KIF21A: variants seen among roughly 807,000 people sequenced by gnomAD.
KIF21A encodes the protein kinesin family member 21A.
In KIF21A, 114 loss-of-function variants were observed where a neutral mutation model predicts 202.9. The ratio of observed to expected loss-of-function variants is 0.56; its 90% CI spans 0.48 to 0.66. KIF21A has a LOEUF of 0.66. Among genes scored for constraint, KIF21A ranks in the 30% least tolerant of loss-of-function variants. The pLI, the probability that KIF21A is intolerant of heterozygous loss-of-function variation, is 0.00. For missense variants in KIF21A, 1,677 were observed against 1,994.9 expected, an observed-to-expected ratio of 0.84 and a Z score of 3.04; for synonymous variants, 667 against 670.8, an observed-to-expected ratio of 0.99 and a Z score of 0.09.
intron 1 of KIF21A, among the ~76,000 whole-genome samples, chr12:39,379,220 C>T (rs1566055946): frequency 1.3e-5 from 2 of 151,652 alleles, no homozygotes; most frequent in African/African-American, 4.8e-5. Context: ...GTCCCAGCTA[C>T]TCAGGACAAT....
chr12:39,416,893 G>A (rs200578262), intron 1 of KIF21A, among the ~76,000 whole-genome samples: 17 of 146,124 alleles, frequency 1.2e-4, no homozygotes, highest in African/African-American at 3.8e-4. Context: ...ATATATATGT[G>A]TATATATATA....
chr12:39,436,242 C>T (rs1938665513), intron 1 of KIF21A, among the ~76,000 whole-genome samples: 1 of 151,216 alleles, frequency 6.6e-6, no homozygotes, highest in African/African-American at 2.4e-5. Context: ...CTAGAAAATC[C>T]ACAGCACTAA....
chr12:39,357,152 T>A (rs564412415), intron 9 of KIF21A, 96 bp downstream of exon 9: 2 of 1,077,048 alleles, frequency 1.9e-6, no homozygotes, highest in East Asian at 4.7e-5. Context: ...GAGACTGGCA[T>A]TTCTATTTCA....
rs750179951 is a variant in KIF21A, at chr12:39,337,139, T to C, written c.2375A>G (p.Asn792Ser). The change falls in exon 17 of 38, where the codon AAC becomes AGC. Residue 792 changes from asparagine to serine, a missense_variant. Physicochemically the swap from Asn to Ser is conservative, Grantham distance 46 (BLOSUM62 1). Coordinates refer to ENST00000361418, the MANE Select transcript of KIF21A (RefSeq NM_001173464.2). ...CTTTTTCAACTGAGCAATCTCTCTGTTTCTTCTAGACTCAGTCAGTCTGGC... is the reference window on the plus strand; with the variant it reads ...CTTTTTCAACTGAGCAATCTCTCTGCTTCTTCTAGACTCAGTCAGTCTGGC... Reference protein sequence around the residue: ...EKARLTESRRNREIAQLKKDQ... With the variant: ...EKARLTESRRSREIAQLKKDQ... 8.1e-6 allele frequency: 13 copies of C among 1,612,600 alleles called. No individual in the cohort carries two copies. The highest frequency in any genetic ancestry group is 3.3e-5 in the Admixed American group (2 of 60,002).
chr12:39,302,432 T>A (rs1005031946), intron 36 of KIF21A, among the ~76,000 whole-genome samples: 1 of 152,180 alleles, frequency 6.6e-6, no homozygotes, highest in Non-Finnish European at 1.5e-5. Flanking sequence ...AAGAATTTCA[T>A]CTGTTAACTA....
At chr12:39,298,033 AC>A (rs1238310670) in intron 37 of KIF21A, among the ~76,000 whole-genome samples, 2 of 151,920 alleles carry the variant, frequency 1.3e-5, no homozygotes, top group Non-Finnish European at 2.9e-5. Flanking sequence ...CACCAGGTTA[AC>A]CCCCCTATTG....
At position 39,315,987 on chromosome 12, in the gene KIF21A, A is replaced by C; in HGVS notation, c.3909-17T>G. Reference sequence around the variant, plus strand: ...TCATCAGACCTATAGTGAAAGAGTTAGAATTATGAGAGAAAGAATACAGAT... The same window carrying C: ...TCATCAGACCTATAGTGAAAGAGTTCGAATTATGAGAGAAAGAATACAGAT... On this transcript the variant is annotated splice_polypyrimidine_tract_variant and intron_variant, in intron 29 of 37. Transcript: ENST00000361418. 6.4e-7 allele frequency: 1 copy of C among 1,570,094 alleles called. No homozygotes were observed. The highest frequency in any genetic ancestry group is 8.8e-7 in the Non-Finnish European group (1 of 1,140,078).
chr12:39,338,018 G>GA (rs34696626), intron 16 of KIF21A, among the ~76,000 whole-genome samples: 70 of 151,202 alleles, frequency 4.6e-4, no homozygotes, highest in Non-Finnish European at 8.7e-4. Flanking sequence ...TTGGACTTAT[G>GA]AAAAAAAAAG....
chr12:39,396,854 A>G (rs1297124698), intron 1 of KIF21A, among the ~76,000 whole-genome samples: 1 of 152,218 alleles, frequency 6.6e-6, no homozygotes, highest in Non-Finnish European at 1.5e-5. Context: ...TAACCATACA[A>G]TCCAACACTG....
rs766218025 is a variant in KIF21A at position 39,303,060 on chromosome 12, T to C, written c.4636A>G (p.Ile1546Val). The C allele has an allele frequency of 6.2e-7, 1 of 1,613,976 alleles. No individual in the cohort carries two copies. The highest frequency in any genetic ancestry group is 1.1e-5 in the South Asian group (1 of 91,080). The change falls in exon 36 of 38, where the codon ATA (isoleucine) becomes GTA (valine). Residue 1546 changes from isoleucine (I) to valine (V), a missense_variant. By Grantham distance (29) the Ile-to-Val change is conservative. Coordinates refer to ENST00000361418, the MANE Select transcript of KIF21A (RefSeq NM_001173464.2). The part of the protein sequence containing the change: ...HNFEPPHYDG[I>V]EALTIQGDNL... Reference sequence around the variant, plus strand: ...TCCCCTTGAATGGTTAGTGCTTCTATGCCATCATAATGAGGGGGTTCAAAA... The same window carrying C: ...TCCCCTTGAATGGTTAGTGCTTCTACGCCATCATAATGAGGGGGTTCAAAA...
chr12:39,311,337 A>G (rs1944007283), intron 32 of KIF21A, 80 bp downstream of exon 32: 1 of 1,292,542 alleles, frequency 7.7e-7, no homozygotes, highest in South Asian at 1.3e-5. Context: ...ATAGTTTGAC[A>G]GTTTTCTAGA....
intron 1 of KIF21A, among the ~76,000 whole-genome samples, chr12:39,419,989 G>A (rs1444928949): frequency 6.8e-6 from 1 of 147,794 alleles, no homozygotes; most frequent in African/African-American, 2.5e-5. Context: ...GGGAAAATCT[G>A]ATGTGTCCTC....
rs113826018 is a variant in KIF21A at position 39,419,440 on chromosome 12, T to C, written c.44+23487A>G. On this transcript the variant is annotated intron_variant, in intron 1 of 37. Transcript: ENST00000361418. Reference sequence around the variant, plus strand: ...TTCCTTTTTGCTACTCCCTTGAGGGTTGATTGAAGCTCCTATGTGAAGGAA... The same window carrying C: ...TTCCTTTTTGCTACTCCCTTGAGGGCTGATTGAAGCTCCTATGTGAAGGAA... Among the ~76,000 whole-genome samples, 408 of 152,318 alleles carry C rather than the reference T, an allele frequency of 2.7e-3. 3 individuals are homozygous for C. Among genetic ancestry groups the C allele is most frequent in the African/African-American group, 8.9e-3 (372 of 41,570 alleles).
At chr12:39,341,883 G>A (rs1947474489) in intron 13 of KIF21A, 151 bp downstream of exon 13, 2 of 707,654 alleles carry the variant, frequency 2.8e-6, no homozygotes, top group Admixed American at 4.4e-5. Context: ...TTTATAGCTT[G>A]TATCTCTGAA....
At position 39,357,231 on chromosome 12, in the gene KIF21A, C is replaced by G. The variant is rs749642162; in HGVS notation, c.1405+17G>C. On this transcript the variant is annotated intron_variant, in intron 9 of 37. Transcript: ENST00000361418. Reference sequence around the variant, plus strand: ...TCCAGAAGTTAATCCCTCACTTATCCCACCCTACCCACATACCTGCTCTGG... The same window carrying G: ...TCCAGAAGTTAATCCCTCACTTATCGCACCCTACCCACATACCTGCTCTGG... The G allele has an allele frequency of 3.2e-5, 52 of 1,612,392 alleles. No individual in the cohort carries two copies. The highest frequency in any genetic ancestry group is 4.3e-5 in the Non-Finnish European group (51 of 1,178,574).
intron 1 of KIF21A, among the ~76,000 whole-genome samples, chr12:39,430,430 G>A (rs929551357): frequency 8.6e-5 from 13 of 151,820 alleles, no homozygotes; most frequent in Admixed American, 7.2e-4. Context: ...GCCGGGCTTG[G>A]TGGCAGGCAC....
chr12:39,389,467 A>T (rs1222042156), intron 1 of KIF21A, among the ~76,000 whole-genome samples: 1 of 152,196 alleles, frequency 6.6e-6, no homozygotes, highest in Non-Finnish European at 1.5e-5. Context: ...AACTTGCCAG[A>T]TGCCCTAACT....
rs773132256 is a variant in KIF21A, at chr12:39,322,826, T to C, written c.3513A>G (p.Leu1171=). The change falls in exon 27 of 38, where the codon CTA becomes CTG. Residue 1171 remains leucine (L), a synonymous_variant. Transcript: ENST00000361418. ...MELLYADSSE[L]ASDTSTGDAS... is the part of the protein sequence containing the mutation. ...CATCTCCTGTACTAGTGTCTGAAGC[T>C]AGTTCACTGCTATCTGCATACAGCA... 4.5e-5 allele frequency: 73 copies of C among 1,612,758 alleles called. No homozygotes were observed. Among genetic ancestry groups the C allele is most frequent in the Admixed American group, 1.7e-5 (1 of 59,826 alleles).
chr12:39,332,543 A>G (rs1435384568), intron 20 of KIF21A, 48 bp downstream of exon 20: 1 of 1,602,710 alleles, frequency 6.2e-7, no homozygotes, highest in Non-Finnish European at 8.5e-7. Context: ...GAAGAGTAAA[A>G]TTAACAGTTA....
Sources: gnomAD v4.1 joint callset for allele counts (sites outside exome capture counted in the v4.1 genomes callset) on GRCh38, gnomAD v4.1.1 for gene constraint, MANE v1.5 for transcripts, NCBI Gene and HGNC (gene_info 2026-07-23, HGNC 2026-07-21) for gene names.